Variants in DLG1 observed in about 807,000 individuals in gnomAD.
DLG1 encodes the protein discs large MAGUK scaffold protein 1.
A neutral mutation model predicts 123.4 loss-of-function variants in DLG1; 42 were observed. The ratio of observed to expected loss-of-function variants is 0.34; its 90% CI spans 0.27 to 0.44. The LOEUF is 0.44. Among genes scored for constraint, DLG1 ranks in the 20% least tolerant of loss-of-function variants. The probability of loss-of-function intolerance (pLI) is 1.00; values close to 1 mark genes in which losing one functional copy is unlikely to be tolerated. For synonymous variants in DLG1, 317 were observed against 356.2 expected (o/e 0.89, Z 1.24); for missense variants, 942 against 1,082.6 (o/e 0.87, Z 1.82).
At chr3:197,244,287 T>C (rs564735411) in intron 4 of DLG1, among the ~76,000 whole-genome samples, 10 of 152,106 alleles carry the variant, frequency 6.6e-5, no homozygotes, top group Non-Finnish European at 1.3e-4. Context: ...ATGTGAGGTG[T>C]TGGAAGGGAA....
At chr3:197,261,285 T>C (rs904252999) in intron 4 of DLG1, among the ~76,000 whole-genome samples, 3 of 152,160 alleles carry the variant, frequency 2.0e-5, no homozygotes, top group African/African-American at 4.8e-5. Flanking sequence ...ACAAATGCCA[T>C]AGTGAAGTTA....
chr3:197,053,193 C>T (rs1056330805), intron 23 of DLG1, among the ~76,000 whole-genome samples: 1 of 152,122 alleles, frequency 6.6e-6, no homozygotes, highest in Non-Finnish European at 1.5e-5. Flanking sequence ...AAAGGAAAGC[C>T]TTCAATATTT....
chr3:197,119,700 C>T (rs1775209302), intron 11 of DLG1, among the ~76,000 whole-genome samples, 170 bp from the exon 12 acceptor site: 1 of 152,136 alleles, frequency 6.6e-6, no homozygotes, highest in Non-Finnish European at 1.5e-5. Flanking sequence ...CCAGGTTAGT[C>T]TCAAACTCCT....
At chr3:197,141,886 T>C (rs559390381) in intron 7 of DLG1, among the ~76,000 whole-genome samples, 8 of 152,320 alleles carry the variant, frequency 5.3e-5, no homozygotes, top group African/African-American at 1.7e-4. Flanking sequence ...TTTGTATTTT[T>C]AGTAGAGACG....
intron 2 of DLG1, chr3:197,296,960 G>GGC: frequency 1.8e-6 from 1 of 553,162 alleles, no homozygotes. Context: ...TGTTGGGGGG[G>GGC]GGCTAACTGC....
chr3:197,285,549 A>G (rs1771441851), intron 3 of DLG1, among the ~76,000 whole-genome samples: 1 of 152,174 alleles, frequency 6.6e-6, no homozygotes, highest in Non-Finnish European at 1.5e-5. Context: ...TGGACAAAAA[A>G]TTCTTTAAGA....
intron 5 of DLG1, among the ~76,000 whole-genome samples, chr3:197,192,235 C>T (rs1013821108): frequency 1.3e-5 from 2 of 152,036 alleles, no homozygotes; most frequent in African/African-American, 4.8e-5. Context: ...GAATTAAACA[C>T]GCTTCTAAGT....
At chr3:197,094,671 A>G (rs1424719196) in intron 14 of DLG1, among the ~76,000 whole-genome samples, 3 of 152,100 alleles carry the variant, frequency 2.0e-5, no homozygotes, top group Admixed American at 1.3e-4. Context: ...TCCTTATGTC[A>G]GTATCTCTCC....
Position 197,043,650 on chromosome 3 carries a change from T to TTA in DLG1, c.*971_*972dup, listed in dbSNP as rs993778800. The stretch of plus-strand genomic sequence containing the variant: ...CCATAGTTACAGTTTAAAGAAAGTT[T>TTA]TATATATATATTTATATATATTTTA... On this transcript the variant is annotated 3_prime_UTR_variant, in exon 25 of 25. Transcript: ENST00000667157. 6.6e-6 allele frequency: 1 copy of TTA among 150,796 alleles called. No individual in the cohort carries two copies. Among genetic ancestry groups the TTA allele is most frequent in the South Asian group, 2.1e-4 (1 of 4,814 alleles). The allele number at this position is 150,796 out of a possible 1,614,324, so 9.3% of individuals were successfully genotyped here. A position where few individuals can be genotyped will look rare whatever the true frequency, so the allele number is the denominator to read the frequency against.
chr3:197,136,795 A>C, intron 9 of DLG1, 117 bp from the exon 10 acceptor site: 1 of 887,320 alleles, frequency 1.1e-6, no homozygotes, highest in Non-Finnish European at 1.7e-6. Context: ...AAAATAGAAA[A>C]GAATCTATTT....
chr3:197,134,970 T>C (rs956749324), intron 10 of DLG1, among the ~76,000 whole-genome samples: 8 of 152,186 alleles, frequency 5.3e-5, no homozygotes, highest in African/African-American at 1.9e-4. Flanking sequence ...GATGGCTGGA[T>C]GTAAGGTTTA....
At chr3:197,075,380 C>T (rs952724038) in intron 18 of DLG1, among the ~76,000 whole-genome samples, 2 of 113,600 alleles carry the variant, frequency 1.8e-5, no homozygotes, top group Non-Finnish European at 3.9e-5. Context: ...CTGCTACTTG[C>T]GTAGTATTCT....
At chr3:197,047,920 TAAA>T (rs1724509713) in intron 24 of DLG1, among the ~76,000 whole-genome samples, 1 of 150,128 alleles carries the variant, frequency 6.7e-6, no homozygotes, top group African/African-American at 2.5e-5. Flanking sequence ...GGATATTAAA[TAAA>T]AAATCTACAC....
At chr3:197,274,428 T>C (rs1048120256) in intron 4 of DLG1, among the ~76,000 whole-genome samples, 2 of 152,066 alleles carry the variant, frequency 1.3e-5, no homozygotes, top group African/African-American at 4.8e-5. Flanking sequence ...ACTCACAATA[T>C]GAAAACGTAA....
At chr3:197,210,043 T>C (rs1730521596) in intron 4 of DLG1, among the ~76,000 whole-genome samples, 1 of 146,462 alleles carries the variant, frequency 6.8e-6, no homozygotes, top group African/African-American at 2.4e-5. Flanking sequence ...TTAATCTGTA[T>C]CCTTTCAAGT....
chr3:197,296,503 TAAAACTCTCTATTTAC>T, intron 2 of DLG1, 26 bp from the exon 3 acceptor site: 1 of 1,607,660 alleles, frequency 6.2e-7, no homozygotes, highest in Non-Finnish European at 8.5e-7. Context: ...AGAGCCTGAT[TAAAACTCTCTATTTAC>T]AAAAAAAGTA....
chr3:197,156,043 C>CT (rs1796285932), intron 5 of DLG1, among the ~76,000 whole-genome samples: 1 of 152,110 alleles, frequency 6.6e-6, no homozygotes, highest in Non-Finnish European at 1.5e-5. Flanking sequence ...AACATTATAA[C>CT]TTTGATTTGT....
intron 13 of DLG1, among the ~76,000 whole-genome samples, chr3:197,113,219 A>T (rs1001814489): frequency 1.3e-5 from 2 of 152,152 alleles, no homozygotes; most frequent in Non-Finnish European, 2.9e-5. Context: ...ATATTTACTA[A>T]GATTTTCTTG....
At chr3:197,204,119 C>T (rs1352588191) in intron 4 of DLG1, among the ~76,000 whole-genome samples, 2 of 152,216 alleles carry the variant, frequency 1.3e-5, no homozygotes, top group Non-Finnish European at 2.9e-5. Flanking sequence ...ATTCCCACTG[C>T]TCAGTCTGCT....
Sources: allele counts gnomAD v4.1 joint callset (sites outside exome capture counted in the v4.1 genomes callset), GRCh38; gene constraint gnomAD v4.1.1; transcripts MANE v1.5; gene names NCBI Gene and HGNC (gene_info 2026-07-23, HGNC 2026-07-21).